Variants in ATP1A3 observed in about 807,000 individuals in gnomAD.
The protein encoded by ATP1A3 is sodium/potassium-transporting ATPase subunit alpha-3.
In ATP1A3, 12 loss-of-function variants were observed where a neutral mutation model predicts 108.8. The ratio of observed to expected loss-of-function variants is 0.11; its 90% CI spans 0.07 to 0.18. The LOEUF is 0.18. Among genes scored for constraint, ATP1A3 ranks in the 10% least tolerant of loss-of-function variants. The probability of loss-of-function intolerance (pLI) is 1.00; values close to 1 mark genes in which losing one functional copy is unlikely to be tolerated. For missense variants in ATP1A3, 498 were observed against 1,387.7 expected (o/e 0.36, Z 10.19); for synonymous variants, 539 against 564.5 (o/e 0.95, Z 0.64).
rs2075070135 is a variant in ATP1A3 at position 41,968,729 on chromosome 19, C to G, written c.2819+56G>C. On this transcript the variant is annotated intron_variant, in intron 20 of 22. Transcript: ENST00000648268. The surrounding 1 kb of genome is among the most constrained non-coding windows in gnomAD (Gnocchi z 5.0). ...ACACAAGAGGAAGTACACAGACAGACAGACACTCGGACAGGACAGATGGCT... is the reference window on the plus strand; with the variant it reads ...ACACAAGAGGAAGTACACAGACAGAGAGACACTCGGACAGGACAGATGGCT... The G allele has an allele frequency of 1.9e-6, 3 of 1,610,786 alleles. No individual in the cohort carries two copies. Among genetic ancestry groups the G allele is most frequent in the Non-Finnish European group, 2.5e-6 (3 of 1,177,862 alleles).
chr19:41,972,652 C>T (rs1286702770), intron 16 of ATP1A3, among the ~76,000 whole-genome samples: 2 of 151,204 alleles, frequency 1.3e-5, no homozygotes, highest in African/African-American at 4.9e-5. Context: ...GTAGTTCCAG[C>T]TATGTGGGAA....
intron 11 of ATP1A3, among the ~76,000 whole-genome samples, chr19:41,980,220 C>T (rs560494968): frequency 2.0e-5 from 3 of 152,348 alleles, no homozygotes; most frequent in East Asian, 3.9e-4. Flanking sequence ...AGAACCAGAG[C>T]GTAAGTCTCA....
intron 11 of ATP1A3, among the ~76,000 whole-genome samples, chr19:41,980,057 T>A (rs1452168768): frequency 6.6e-6 from 1 of 152,188 alleles, no homozygotes. Context: ...CTGGCTGGTG[T>A]TCAGATGCGT....
Position 41,969,695 on chromosome 19 carries a change from C to T in ATP1A3, c.2543-115G>A. ...GGAGAGGGGAGTATGCCCTCCTGGC[C>T]CTGTTATCTGGACATTGGTTCCCAG... On this transcript the variant is annotated intron_variant, in intron 18 of 22. Transcript: ENST00000648268. 2.1e-6 allele frequency: 3 copies of T among 1,419,870 alleles called. No homozygotes were observed. The South Asian group carries it at 3.5e-5, about 16-fold the overall frequency. The allele number at this position is 1,419,870 out of a possible 1,614,324, so 88.0% of individuals were successfully genotyped here.
chr19:41,976,505 C>T lies in ATP1A3; in HGVS notation c.2005G>A (p.Asp669Asn). ...DLKDFTSEQI[D>N]EILQNHTEIV... ...TCGGTGTGATTCTGCAGGATCTCGT[C>T]GATTTGCTCGGAGGTGAAGTCCTTG... The change falls in exon 15 of 23, where the codon GAC (aspartate) becomes AAC (asparagine). Residue 669 changes from aspartate (D) to asparagine (N), a missense_variant. By Grantham distance (23) the Asp-to-Asn change is conservative. Coordinates refer to ENST00000648268, the MANE Select transcript of ATP1A3 (RefSeq NM_152296.5). 1.2e-6 allele frequency: 2 copies of T among 1,614,110 alleles called. No homozygotes were observed. The highest frequency in any genetic ancestry group is 1.7e-6 in the Non-Finnish European group (2 of 1,180,010).
In ATP1A3 at chr19:41,978,513, T is replaced by A; in HGVS notation, c.1630+93A>T. 2 of 1,556,494 alleles carry A rather than the reference T, an allele frequency of 1.3e-6. No homozygotes were observed. The highest frequency in any genetic ancestry group is 1.1e-5 in the South Asian group (1 of 89,596). ...CATTCATTCATTCATTTACAGTATA[T>A]TCTGGGAGGCCCTGGGCTGAGACAG... On this transcript the variant is annotated intron_variant, in intron 12 of 22. Coordinates refer to ENST00000648268, the MANE Select transcript of ATP1A3 (RefSeq NM_152296.5). The surrounding 1 kb of genome is among the most constrained non-coding windows in gnomAD (Gnocchi z 8.3).
Position 41,994,186 on chromosome 19 carries a change from G to C in ATP1A3, c.-110C>G. The C allele has an allele frequency of 1.8e-6, 2 of 1,081,936 alleles. No individual in the cohort carries two copies. The highest frequency in any genetic ancestry group is 2.5e-6 in the Non-Finnish European group (2 of 799,692). 67.0% of individuals were successfully genotyped at this position (1,081,936 alleles called of 1,614,324 possible). A position where few individuals can be genotyped will look rare whatever the true frequency, so the allele number is the denominator to read the frequency against. The stretch of plus-strand genomic sequence containing the variant: ...CTGCAGCGCCCGCGCCTCGGTAGGT[G>C]CGCGCGTCCGTCCGTCCGTCCGTTG... On this transcript the variant is annotated 5_prime_UTR_variant, in exon 1 of 23. Coordinates refer to ENST00000648268, the MANE Select transcript of ATP1A3 (RefSeq NM_152296.5).
rs75722432 is a variant in ATP1A3, at chr19:41,971,450, G to A, written c.2264-908C>T. On this transcript the variant is annotated intron_variant, in intron 16 of 22. Coordinates refer to ENST00000648268, the MANE Select transcript of ATP1A3 (RefSeq NM_152296.5). ...TTTATGCCCAGCGAAAAGCAAGTAC[G>A]AGAATGTTCACCATAGCACCACTCA... Among the ~76,000 whole-genome samples the A allele has an allele frequency of 4.5e-3, 680 of 152,234 alleles. 12 individuals carry two copies. The highest frequency in any genetic ancestry group is 0.016 in the African/African-American group (653 of 41,538).
chr19:41,991,092 TGGGCGGATGGGGA>T (rs2075333535), intron 1 of ATP1A3: 2 of 143,178 alleles, frequency 1.4e-5, no homozygotes, highest in Admixed American at 7.0e-5. Context: ...TTTGGGAGCC[TGGGCGGATGGGGA>T]GGGCAGTGTC....
rs1555859615 is a variant in ATP1A3 at position 41,970,545 on chromosome 19, G to A, written c.2264-3C>T. 6.2e-7 allele frequency: 1 copy of A among 1,613,928 alleles called. No individual in the cohort carries two copies. The highest frequency in any genetic ancestry group is 1.1e-5 in the South Asian group (1 of 91,080). ...TAGGTTGTCGAAGATCAGGCGGCCTGTGGCACAGGCAGGCTCAGAGCAGGC... is the reference window on the plus strand; with the variant it reads ...TAGGTTGTCGAAGATCAGGCGGCCTATGGCACAGGCAGGCTCAGAGCAGGC... On this transcript the variant is annotated splice_region_variant and splice_polypyrimidine_tract_variant and intron_variant, in intron 16 of 22. Coordinates refer to ENST00000648268, the MANE Select transcript of ATP1A3 (RefSeq NM_152296.5).
intron 1 of ATP1A3, chr19:41,993,235 G>T (rs2075357062): frequency 1.5e-5 from 10 of 657,984 alleles, no homozygotes; most frequent in Admixed American, 2.2e-5. Context: ...TGCAGCAAGG[G>T]TCAGGTGGTC....
At chr19:41,970,122 G>A in intron 18 of ATP1A3, 63 bp downstream of exon 18, 1 of 1,613,640 alleles carries the variant, frequency 6.2e-7, no homozygotes, top group Non-Finnish European at 8.5e-7. Context: ...CACCCACGGT[G>A]GGCCAGGCAC....
At position 41,984,899 on chromosome 19, in the gene ATP1A3, C is replaced by T; in HGVS notation, c.993+19G>A. 1 of 1,607,156 alleles carries T rather than the reference C, an allele frequency of 6.2e-7. No homozygotes were observed. The highest frequency in any genetic ancestry group is 2.2e-5 in the East Asian group (1 of 44,728). On this transcript the variant is annotated intron_variant, in intron 8 of 22. Coordinates refer to ENST00000648268, the MANE Select transcript of ATP1A3 (RefSeq NM_152296.5). ...GACCCCCAGGCCCTCCCCACCCAGA[C>T]CCAGGAGCCTGGCCTTACAGTGACA...
intron 16 of ATP1A3, among the ~76,000 whole-genome samples, chr19:41,973,728 G>A (rs2075136908): frequency 6.6e-6 from 1 of 152,236 alleles, no homozygotes; most frequent in African/African-American, 2.4e-5. Flanking sequence ...CTCCAGCCCT[G>A]TGAGAACAGG....
Position 41,967,063 on chromosome 19 carries a change from A to C in ATP1A3, c.3014-98T>G, listed in dbSNP as rs1555858765. On this transcript the variant is annotated intron_variant, in intron 22 of 22. Transcript: ENST00000648268. This position sits in a 1 kb window ranked among gnomAD's most constrained non-coding sequence, Gnocchi z 4.2. ...CAGAGAGAGGGACAGAGAGGGAGAG[A>C]GACAAGGAAACCACACAGACAGAGA... 6.4e-7 allele frequency: 1 copy of C among 1,551,520 alleles called. No homozygotes were observed.
Position 41,988,538 on chromosome 19 carries a change from G to C in ATP1A3, c.31C>G (p.Pro11Ala), listed in dbSNP as rs782419036. ...CGCTCCTTGCCCTTGTTCTTCTTGG[G>C]TGAGTCCTTGTCATCTTTCTTGTCC... MGDKKDDKDSPKKNKGKERRD... is the reference protein window; with the variant it reads MGDKKDDKDSAKKNKGKERRD... Residue 11 changes from proline to alanine, a missense_variant, in exon 2 of 23, where the codon CCC becomes GCC. By Grantham distance (27) the Pro-to-Ala change is conservative. Coordinates refer to ENST00000648268, the MANE Select transcript of ATP1A3 (RefSeq NM_152296.5). This position sits in a 1 kb window ranked among gnomAD's most constrained non-coding sequence, Gnocchi z 5.3. The C allele has an allele frequency of 6.2e-7, 1 of 1,614,156 alleles. No homozygotes were observed. Among genetic ancestry groups the C allele is most frequent in the Admixed American group, 1.7e-5 (1 of 60,016 alleles).
chr19:41,986,903 C>T (rs1457484379), intron 4 of ATP1A3, among the ~76,000 whole-genome samples: 1 of 151,962 alleles, frequency 6.6e-6, no homozygotes, highest in African/African-American at 2.4e-5. Flanking sequence ...CCACCAGGCC[C>T]GGCTATGTTT....
chr19:41,974,095 G>A (rs2075140937), intron 16 of ATP1A3, among the ~76,000 whole-genome samples: 1 of 152,160 alleles, frequency 6.6e-6, no homozygotes, highest in Non-Finnish European at 1.5e-5. Flanking sequence ...GCCTGGTGTG[G>A]TGGCATGCAC....
chr19:41,993,301 CGG>C, intron 1 of ATP1A3: 1 of 1,302,310 alleles, frequency 7.7e-7, no homozygotes, highest in South Asian at 1.3e-5. Flanking sequence ...CAAGGACACA[CGG>C]ACACAGAGGC....
Sources: allele counts gnomAD v4.1 joint callset (sites outside exome capture counted in the v4.1 genomes callset), GRCh38; gene constraint gnomAD v4.1.1; non-coding constraint Gnocchi (gnomAD v3.1); transcripts MANE v1.5; gene names NCBI Gene and HGNC (gene_info 2026-07-23, HGNC 2026-07-21).